Variants in COL4A3 observed in about 807,000 individuals in gnomAD.
The protein encoded by COL4A3 is collagen type IV alpha 3 chain.
A neutral mutation model predicts 217.4 loss-of-function variants in COL4A3; 135 were observed. The observed-to-expected ratio is 0.62, with a 90% CI of 0.54 to 0.72. The LOEUF (loss-of-function observed/expected upper bound fraction) is 0.72, where lower values mean the gene tolerates loss of function less well. Ranked by LOEUF, COL4A3 falls within the 30% of genes least tolerant of loss-of-function variation. The pLI is 0.00. For missense variants in COL4A3, 1,868 were observed against 2,119.9 expected, an observed-to-expected ratio of 0.88 and a Z score of 2.33; for synonymous variants, 690 against 736.3, an observed-to-expected ratio of 0.94 and a Z score of 1.02.
At chr2:227,218,094 A>G (rs554931825) in intron 1 of COL4A3, among the ~76,000 whole-genome samples, 33 of 146,512 alleles carry the variant, frequency 2.3e-4, no homozygotes, top group African/African-American at 7.9e-4. Context: ...ATATATATAT[A>G]TATATATAGT....
intron 35 of COL4A3, 29 bp from the exon 36 acceptor site, chr2:227,289,970 A>G (rs1218301162): frequency 1.3e-6 from 2 of 1,597,280 alleles, no homozygotes; most frequent in East Asian, 2.2e-5. Flanking sequence ...GGAACTGTGC[A>G]GGGCAATAAC....
intron 3 of COL4A3, among the ~76,000 whole-genome samples, chr2:227,242,483 A>T (rs1279240337): frequency 6.6e-6 from 1 of 151,992 alleles, no homozygotes; most frequent in Non-Finnish European, 1.5e-5. Flanking sequence ...TCAATTATAA[A>T]CTCAATCTCC....
At chr2:227,228,456 T>C (rs7569375) in intron 1 of COL4A3, 48,832 of 152,274 alleles carry the variant, frequency 0.32, 8,269 homozygotes, top group Non-Finnish European at 0.36. Context: ...GCAGGGTCAG[T>C]AATCATAATG....
chr2:227,254,693 C>T lies in COL4A3; in HGVS notation c.866C>T (p.Ala289Val), dbSNP rs775885177. The change falls in exon 15 of 52, where the codon GCT becomes GTT. Residue 289 changes from alanine to valine, a missense_variant. Physicochemically the swap from Ala to Val is moderately conservative, Grantham distance 64. This residue lies in a region of COL4A3 where 1,503 missense variants were observed against 1,786.1 expected (regional missense o/e 0.84). Coordinates refer to ENST00000396578, the MANE Select transcript of COL4A3 (RefSeq NM_000091.5). Reference protein sequence around the residue: ...PGESYGSEKGAPGDPGLQGKP... With the variant: ...PGESYGSEKGVPGDPGLQGKP... ...GAATCATATGGATCTGAAAAGGGTGCTCCTGGAGACCCTGGCCTGCAGGTA... is the reference window on the plus strand; with the variant it reads ...GAATCATATGGATCTGAAAAGGGTGTTCCTGGAGACCCTGGCCTGCAGGTA... 2 of 1,613,216 alleles carry T rather than the reference C, an allele frequency of 1.2e-6. No homozygotes were observed. Among genetic ancestry groups the T allele is most frequent in the South Asian group, 2.2e-5 (2 of 91,064 alleles).
rs2073577240 is a variant in COL4A3 at position 227,307,883 on chromosome 2, G to A, written c.4426G>A (p.Val1476Ile). The change falls in exon 48 of 52, where the codon GTA becomes ATA. Residue 1476 changes from valine to isoleucine, a missense_variant. By Grantham distance (29) the Val-to-Ile change is conservative. Transcript: ENST00000396578. ...CTACAGTGGGTTTTCTTTTCTTTTTGTACAAGGAAATCAACGAGCCCACGG... is the reference window on the plus strand; with the variant it reads ...CTACAGTGGGTTTTCTTTTCTTTTTATACAAGGAAATCAACGAGCCCACGG... ...PLYSGFSFLF[V>I]QGNQRAHGQD... is the part of the protein sequence containing the mutation. 2 of 1,614,058 alleles carry A rather than the reference G, an allele frequency of 1.2e-6. No homozygotes were observed. The highest frequency in any genetic ancestry group is 1.7e-4 in the Middle Eastern group (1 of 6,056).
chr2:227,283,447 T>G (rs1389996624), intron 32 of COL4A3, among the ~76,000 whole-genome samples: 1 of 152,036 alleles, frequency 6.6e-6, no homozygotes, highest in Non-Finnish European at 1.5e-5. Flanking sequence ...TTGAGACAAG[T>G]GTTATGAAGA....
intron 21 of COL4A3, chr2:227,265,211 A>C (rs2070815542): frequency 6.6e-6 from 1 of 152,264 alleles, no homozygotes; most frequent in Non-Finnish European, 1.5e-5. Flanking sequence ...AAAATGTATG[A>C]ATGTAGAAGT....
In COL4A3 at chr2:227,237,992, C is replaced by G. The variant is rs201607115; in HGVS notation, c.112C>G (p.Gln38Glu). The G allele has an allele frequency of 1.9e-4, 299 of 1,610,794 alleles. 1 individual carries two copies. In the African/African-American group the frequency reaches 3.5e-3, roughly 19 times the overall value. Residue 38 changes from glutamine (Q) to glutamate (E), a missense_variant, in exon 2 of 52, where the codon CAG becomes GAG. Gln to Glu is a conservative substitution (Grantham distance 29). Coordinates refer to ENST00000396578, the MANE Select transcript of COL4A3 (RefSeq NM_000091.5). ...GGGTTGTGTCTGTAAAGACAAAGGCCAGTGCTTCTGTGACGGGGCCAAAGG... is the reference window on the plus strand; with the variant it reads ...GGGTTGTGTCTGTAAAGACAAAGGCGAGTGCTTCTGTGACGGGGCCAAAGG... The part of the protein sequence containing the change: ...SKGCVCKDKG[Q>E]CFCDGAKGEK...
intron 20 of COL4A3, among the ~76,000 whole-genome samples, chr2:227,263,516 T>C (rs1412854782): frequency 6.6e-6 from 1 of 152,226 alleles, no homozygotes; most frequent in Non-Finnish European, 1.5e-5. Context: ...AAAAAGACTA[T>C]AGTGCATCCC....
chr2:227,267,916 G>A (rs1240958369), intron 23 of COL4A3, among the ~76,000 whole-genome samples: 4 of 152,080 alleles, frequency 2.6e-5, no homozygotes, highest in Admixed American at 6.5e-5. Flanking sequence ...GGTTACTCCC[G>A]GCTGTCACCA....
intron 1 of COL4A3, among the ~76,000 whole-genome samples, chr2:227,232,220 C>G (rs78474177): frequency 1.3e-5 from 2 of 152,160 alleles, no homozygotes; most frequent in South Asian, 4.1e-4. Context: ...TTGATGGACA[C>G]GTAGATTGCT....
chr2:227,201,869 A>G (rs1041040544), intron 1 of COL4A3, among the ~76,000 whole-genome samples: 1 of 152,204 alleles, frequency 6.6e-6, no homozygotes, highest in Non-Finnish European at 1.5e-5. Context: ...GCACTGGTCT[A>G]GTTTGCCATT....
chr2:227,221,600 G>A (rs557963658), intron 1 of COL4A3: 2 of 151,836 alleles, frequency 1.3e-5, no homozygotes, highest in Non-Finnish European at 2.9e-5. Flanking sequence ...GAGCCCTTTC[G>A]TGACCACATT....
At chr2:227,295,222 G>T (rs761109950) in intron 40 of COL4A3, 47 bp from the exon 41 acceptor site, 1 of 1,588,742 alleles carries the variant, frequency 6.3e-7, no homozygotes, top group African/African-American at 1.3e-5. Context: ...GACATATAAT[G>T]TAATGAAATT....
intron 1 of COL4A3, among the ~76,000 whole-genome samples, chr2:227,186,801 G>A (rs1480691468): frequency 1.3e-5 from 2 of 150,716 alleles, no homozygotes; most frequent in East Asian, 3.9e-4. Context: ...ATCATAAATT[G>A]GGTGGCTTAT....
At chr2:227,293,421 C>A in intron 38 of COL4A3, 104 bp downstream of exon 38, 2 of 1,335,958 alleles carry the variant, frequency 1.5e-6, no homozygotes, top group South Asian at 1.4e-5. Context: ...TTTTATGCTG[C>A]AGTTGCTTTT....
Position 227,312,066 on chromosome 2 carries a change from G to T in COL4A3, c.*196G>T. ...TCTGTGATCTGGGTCTCTAATCTGT[G>T]CTGTTTCAAAGTTCTCTGTGGCAAA... On this transcript the variant is annotated 3_prime_UTR_variant, in exon 52 of 52. Transcript: ENST00000396578. The T allele has an allele frequency of 1.0e-6, 1 of 984,536 alleles. No homozygotes were observed. The allele number at this position is 984,536 out of a possible 1,614,324, so 61.0% of individuals were successfully genotyped here. A position where few individuals can be genotyped will look rare whatever the true frequency, so the allele number is the denominator to read the frequency against.
intron 31 of COL4A3, 108 bp downstream of exon 31, chr2:227,281,114 A>G (rs924528351): frequency 6.6e-6 from 5 of 761,298 alleles, no homozygotes; most frequent in Non-Finnish European, 4.7e-6. Context: ...AGTCCTGACC[A>G]CTGTTCAATG....
chr2:227,290,055 A>G lies in COL4A3; in HGVS notation c.3037A>G (p.Ile1013Val). 1 of 1,614,230 alleles carries G rather than the reference A, an allele frequency of 6.2e-7. No homozygotes were observed. The highest frequency in any genetic ancestry group is 8.5e-7 in the Non-Finnish European group (1 of 1,180,024). ...GNPGEPGLRG[I>V]PGSMGNMGMP... ...TCCTGGAGAACCAGGACTGCGTGGT[A>G]TACCAGGAAGCATGGGGAACATGGG... Residue 1013 changes from isoleucine (I) to valine (V), a missense_variant, in exon 36 of 52, where the codon ATA becomes GTA. Transcript: ENST00000396578.
Sources: allele counts gnomAD v4.1 joint callset (sites outside exome capture counted in the v4.1 genomes callset), GRCh38; gene constraint gnomAD v4.1.1; regional missense constraint gnomAD v4.1.1; transcripts MANE v1.5; gene names NCBI Gene and HGNC (gene_info 2026-07-23, HGNC 2026-07-21).